Variants in IL1RAPL1 observed in about 807,000 individuals in gnomAD.
IL1RAPL1 encodes the protein interleukin-1 receptor accessory protein-like 1.
Under a neutral mutation model 48.4 loss-of-function variants are expected in IL1RAPL1, and 3 were observed. That is an observed-to-expected ratio of 0.06 (90% CI 0.03 to 0.16). The LOEUF (loss-of-function observed/expected upper bound fraction) is 0.16. IL1RAPL1 is among the 10% of genes least tolerant of loss of function. IL1RAPL1 has a pLI of 1.00. For synonymous variants in IL1RAPL1, 185 were observed against 187.7 expected (o/e 0.99, Z 0.12); for missense variants, 349 against 530.6 (o/e 0.66, Z 3.36).
chrX:29,217,532 A>G (rs1930893605), intron 2 of IL1RAPL1, among the ~76,000 whole-genome samples: 1 of 111,731 alleles, frequency 9.0e-6, no homozygotes, highest in Non-Finnish European at 1.9e-5. Context: ...CGAAGTTAAA[A>G]CATGATAATC....
At chrX:29,352,104 G>C (rs927304196) in intron 3 of IL1RAPL1, among the ~76,000 whole-genome samples, 2 of 111,852 alleles carry the variant, frequency 1.8e-5, no homozygotes, top group Non-Finnish European at 3.8e-5. Flanking sequence ...ATCTGCATAA[G>C]CTTTATGCTT....
chrX:28,641,754 C>T (rs1043954123), intron 1 of IL1RAPL1, among the ~76,000 whole-genome samples: 1 of 111,420 alleles, frequency 9.0e-6, no homozygotes, highest in Non-Finnish European at 1.9e-5. Flanking sequence ...TTTTAATGAT[C>T]GCCGTTCTAA....
chrX:29,914,205 G>T (rs1932780614), intron 6 of IL1RAPL1, among the ~76,000 whole-genome samples: 1 of 111,907 alleles, frequency 8.9e-6, no homozygotes, highest in African/African-American at 3.3e-5. Context: ...CTTCTTACAT[G>T]GGTGCAGGAG....
At chrX:28,609,536 A>ATT (rs753210544) in intron 1 of IL1RAPL1, among the ~76,000 whole-genome samples, 367 of 95,137 alleles carry the variant, frequency 3.9e-3, no homozygotes, top group Non-Finnish European at 5.8e-3. Flanking sequence ...CCTGGCAGGC[A>ATT]TTTTTTTTTT....
chrX:29,500,022 C>T (rs1046961437), intron 5 of IL1RAPL1, among the ~76,000 whole-genome samples: 2 of 109,491 alleles, frequency 1.8e-5, no homozygotes, highest in African/African-American at 6.7e-5. Context: ...CTTGCCCAGA[C>T]CTGGAGTGCA....
At chrX:28,968,750 T>C (rs1924983012) in intron 2 of IL1RAPL1, among the ~76,000 whole-genome samples, 2 of 112,825 alleles carry the variant, frequency 1.8e-5, no homozygotes, top group African/African-American at 6.4e-5. Flanking sequence ...CAAATTTATG[T>C]GTATACTCAC....
intron 1 of IL1RAPL1, among the ~76,000 whole-genome samples, chrX:28,693,844 C>T (rs772541888): frequency 9.0e-6 from 1 of 111,396 alleles, no homozygotes; most frequent in Non-Finnish European, 1.9e-5. Flanking sequence ...GTACGGTGCC[C>T]GCCTGTTTTA....
chrX:28,893,397 G>A (rs921752552), intron 2 of IL1RAPL1, among the ~76,000 whole-genome samples: 30 of 111,024 alleles, frequency 2.7e-4, no homozygotes, highest in East Asian at 2.3e-3. Flanking sequence ...AATAAAGGCC[G>A]GTCCATTATA....
At chrX:28,715,692 G>C (rs1935496268) in intron 1 of IL1RAPL1, among the ~76,000 whole-genome samples, 1 of 111,080 alleles carries the variant, frequency 9.0e-6, no homozygotes, top group Non-Finnish European at 1.9e-5. Context: ...GTAATAAATA[G>C]CCTACCAATC....
intron 5 of IL1RAPL1, among the ~76,000 whole-genome samples, chrX:29,475,753 G>A (rs981018200): frequency 9.0e-6 from 1 of 111,159 alleles, no homozygotes; most frequent in Non-Finnish European, 1.9e-5. Flanking sequence ...TGATTAAGAC[G>A]AAGCGCTTAT....
intron 2 of IL1RAPL1, among the ~76,000 whole-genome samples, chrX:29,028,291 T>C (rs906664188): frequency 9.6e-6 from 1 of 104,478 alleles, no homozygotes; most frequent in African/African-American, 3.5e-5. Context: ...TTTTTTTGTT[T>C]GTTTTTTTTT....
chrX:29,489,928 C>T (rs181944053), intron 5 of IL1RAPL1, among the ~76,000 whole-genome samples: 294 of 111,663 alleles, frequency 2.6e-3, no homozygotes, highest in Non-Finnish European at 4.7e-3. Flanking sequence ...CTAATTATTA[C>T]CTTTTTAGAG....
chrX:29,256,535 A>G (rs950602296), intron 2 of IL1RAPL1, among the ~76,000 whole-genome samples: 13 of 111,615 alleles, frequency 1.2e-4, no homozygotes. Context: ...AATTTTATCC[A>G]GCCGGTTCAT....
chrX:29,718,987 C>T (rs993870219), intron 6 of IL1RAPL1, among the ~76,000 whole-genome samples: 3 of 112,022 alleles, frequency 2.7e-5, no homozygotes, highest in African/African-American at 9.7e-5. Flanking sequence ...AAGTTAGTAA[C>T]CCTTCGGAAG....
At chrX:29,632,556 T>TCATAA (rs1348461735) in intron 5 of IL1RAPL1, among the ~76,000 whole-genome samples, 1 of 111,887 alleles carries the variant, frequency 8.9e-6, no homozygotes, top group African/African-American at 3.3e-5. Flanking sequence ...TGTTTTATGT[T>TCATAA]CATAAGATCA....
chrX:29,094,937 T>A (rs55904147), intron 2 of IL1RAPL1, among the ~76,000 whole-genome samples: 1,512 of 109,160 alleles, frequency 0.014, 14 homozygotes, highest in Non-Finnish European at 0.02. Flanking sequence ...CATTGATTTT[T>A]AATTTCAGTT....
chrX:28,968,172 T>C (rs1379063955), intron 2 of IL1RAPL1, among the ~76,000 whole-genome samples: 1 of 111,885 alleles, frequency 8.9e-6, no homozygotes, highest in Non-Finnish European at 1.9e-5. Flanking sequence ...GGTGGACTTC[T>C]TTTTGATCTC....
intron 2 of IL1RAPL1, among the ~76,000 whole-genome samples, chrX:28,952,307 G>A (rs897480970): frequency 2.7e-5 from 3 of 110,989 alleles, no homozygotes; most frequent in African/African-American, 9.8e-5. Flanking sequence ...AAGGAAACCA[G>A]GTATTTGGAA....
chrX:29,247,450 A>T, intron 2 of IL1RAPL1, among the ~76,000 whole-genome samples: 1 of 111,521 alleles, frequency 9.0e-6, no homozygotes, highest in Non-Finnish European at 1.9e-5. Context: ...AAAAAAAAAA[A>T]ATTAAAAACA....
Sources: allele counts gnomAD v4.1 joint callset (sites outside exome capture counted in the v4.1 genomes callset), GRCh38; gene constraint gnomAD v4.1.1; transcripts MANE v1.5; gene names NCBI Gene and HGNC (gene_info 2026-07-23, HGNC 2026-07-21).